CAMTA1: variants seen among roughly 807,000 people sequenced by gnomAD.
The protein encoded by CAMTA1 is calmodulin binding transcription activator 1.
In CAMTA1, 27 loss-of-function variants were observed where a neutral mutation model predicts 170.9. The observed-to-expected ratio is 0.16, with a 90% CI of 0.12 to 0.22. The LOEUF (loss-of-function observed/expected upper bound fraction) is 0.22. Among genes scored for constraint, CAMTA1 ranks in the 10% least tolerant of loss-of-function variants. The probability of loss-of-function intolerance (pLI) is 1.00; values close to 1 mark genes in which losing one functional copy is unlikely to be tolerated. For synonymous variants in CAMTA1, 833 were observed against 891.5 expected, an observed-to-expected ratio of 0.93 and a Z score of 1.17; for missense variants, 1,619 against 2,217.2, an observed-to-expected ratio of 0.73 and a Z score of 5.42.
chr1:7,728,348 C>T (rs1273791675), intron 11 of CAMTA1, among the ~76,000 whole-genome samples: 1 of 152,268 alleles, frequency 6.6e-6, no homozygotes, highest in Non-Finnish European at 1.5e-5. Context: ...CAGCACAAAG[C>T]CACCTCCACG....
intron 5 of CAMTA1, among the ~76,000 whole-genome samples, chr1:7,276,304 T>TATATATATATATATATATATA (rs1553299266): frequency 1.3e-4 from 2 of 14,930 alleles, no homozygotes; most frequent in Non-Finnish European, 2.4e-4. Flanking sequence ...TATATATATA[T>TATATATATATATATATATATA]TTTTTTTTTT....
Position 7,102,302 on chromosome 1 carries a change from G to A in CAMTA1, c.302+10931G>A, listed in dbSNP as rs562398793. On this transcript the variant is annotated intron_variant, in intron 4 of 22. Coordinates refer to ENST00000303635, the MANE Select transcript of CAMTA1 (RefSeq NM_015215.4). ...GGAAGAGGGAGCGAGAGTCCAGGACGGGGCAGCCACGTCCGGGAGGGGAGG... is the reference window on the plus strand; with the variant it reads ...GGAAGAGGGAGCGAGAGTCCAGGACAGGGCAGCCACGTCCGGGAGGGGAGG... Among the ~76,000 whole-genome samples the A allele has an allele frequency of 2.3e-3, 350 of 152,264 alleles. 2 individuals are homozygous for A. Among genetic ancestry groups the A allele is most frequent in the African/African-American group, 8.1e-3 (336 of 41,548 alleles).
chr1:7,419,965 A>G (rs1041002349), intron 5 of CAMTA1, among the ~76,000 whole-genome samples: 4 of 151,974 alleles, frequency 2.6e-5, no homozygotes, highest in African/African-American at 7.3e-5. Flanking sequence ...CCTGATCATC[A>G]TAACAGCTGC....
chr1:7,274,358 TAAAG>T (rs1558342247), intron 5 of CAMTA1, among the ~76,000 whole-genome samples: 1 of 152,094 alleles, frequency 6.6e-6, no homozygotes, highest in East Asian at 1.9e-4. Context: ...TTACTCAAGA[TAAAG>T]AGAGATATTT....
intron 4 of CAMTA1, among the ~76,000 whole-genome samples, chr1:7,181,910 A>G (rs1652247664): frequency 6.6e-6 from 1 of 152,126 alleles, no homozygotes; most frequent in Non-Finnish European, 1.5e-5. Flanking sequence ...TAACCCTGCA[A>G]ATTAAGAACT....
intron 3 of CAMTA1, among the ~76,000 whole-genome samples, chr1:7,013,161 A>G (rs1700057575): frequency 6.8e-6 from 1 of 147,412 alleles, no homozygotes; most frequent in Non-Finnish European, 1.5e-5. Context: ...TCGCTGGGGA[A>G]GTTGCAGACC....
intron 3 of CAMTA1, among the ~76,000 whole-genome samples, chr1:7,037,837 C>CAA (rs1156819723): frequency 3.2e-4 from 41 of 127,694 alleles, no homozygotes; most frequent in African/African-American, 1.0e-3. Context: ...GACTCCATAT[C>CAA]AAAAAAAAAA....
At chr1:7,128,588 A>T (rs1221098382) in intron 4 of CAMTA1, among the ~76,000 whole-genome samples, 1 of 152,130 alleles carries the variant, frequency 6.6e-6, no homozygotes, top group Non-Finnish European at 1.5e-5. Context: ...CCTTTTAGCC[A>T]TGGTAAGGAA....
intron 3 of CAMTA1, among the ~76,000 whole-genome samples, chr1:7,085,623 G>T (rs185995752): frequency 1.3e-5 from 2 of 152,390 alleles, no homozygotes; most frequent in East Asian, 3.9e-4. Context: ...GGGGCTGGGC[G>T]ATGAACAGGA....
At chr1:6,898,738 A>G (rs900841494) in intron 3 of CAMTA1, among the ~76,000 whole-genome samples, 69 of 152,298 alleles carry the variant, frequency 4.5e-4, no homozygotes, top group African/African-American at 1.6e-3. Context: ...AGATTTTCCT[A>G]AGTCTCATCT....
Position 7,634,736 on chromosome 1 carries a change from G to A in CAMTA1, c.511-5664G>A, listed in dbSNP as rs1576508265. Among the ~76,000 whole-genome samples the A allele has an allele frequency of 6.6e-6, 1 of 151,808 alleles. No homozygotes were observed. The highest frequency in any genetic ancestry group is 1.9e-4 in the East Asian group (1 of 5,156). The stretch of plus-strand genomic sequence containing the variant: ...CTAAGCAGCAGAAGTGCCCGCTGGA[G>A]GCTTAACTCTGCTCACCCTCTCAGG... On this transcript the variant is annotated intron_variant, in intron 6 of 22. Coordinates refer to ENST00000303635, the MANE Select transcript of CAMTA1 (RefSeq NM_015215.4). This position sits in a 1 kb window ranked among gnomAD's most constrained non-coding sequence, Gnocchi z 6.2.
At chr1:7,208,330 G>A (rs1469744593) in intron 4 of CAMTA1, among the ~76,000 whole-genome samples, 3 of 152,198 alleles carry the variant, frequency 2.0e-5, no homozygotes, top group East Asian at 3.8e-4. Context: ...ATACTTCATT[G>A]AAAATTCTGC....
intron 6 of CAMTA1, among the ~76,000 whole-genome samples, chr1:7,601,639 AGCCTGG>A (rs1459187305): frequency 8.5e-5 from 13 of 152,242 alleles, no homozygotes; most frequent in African/African-American, 3.1e-4. Flanking sequence ...ACTGCACTCC[AGCCTGG>A]GCACCATTGA....
intron 6 of CAMTA1, among the ~76,000 whole-genome samples, chr1:7,572,921 C>T (rs991846268): frequency 2.0e-5 from 3 of 152,238 alleles, no homozygotes; most frequent in Non-Finnish European, 4.4e-5. Context: ...ACAGCCACCC[C>T]CTTGCCCATC....
chr1:6,909,037 A>G (rs923299137), intron 3 of CAMTA1, among the ~76,000 whole-genome samples: 1 of 152,252 alleles, frequency 6.6e-6, no homozygotes, highest in Non-Finnish European at 1.5e-5. Context: ...ATCATTTTAT[A>G]TCATAATCCT....
intron 4 of CAMTA1, among the ~76,000 whole-genome samples, chr1:7,128,953 G>C (rs887915073): frequency 1.4e-4 from 20 of 144,792 alleles, no homozygotes; most frequent in African/African-American, 4.9e-4. Context: ...TGATTCTCCT[G>C]TTCAGCCTCC....
intron 4 of CAMTA1, among the ~76,000 whole-genome samples, chr1:7,203,848 T>C (rs1215170394): frequency 2.0e-5 from 3 of 151,350 alleles, no homozygotes; most frequent in East Asian, 1.9e-4. Flanking sequence ...TTTTTTTTTT[T>C]CGAGACGGAG....
intron 5 of CAMTA1, among the ~76,000 whole-genome samples, chr1:7,439,113 C>T (rs2092439964): frequency 6.6e-6 from 1 of 152,152 alleles, no homozygotes; most frequent in Non-Finnish European, 1.5e-5. Context: ...CTGCGTCCTC[C>T]CAGGGCCGAG....
intron 1 of CAMTA1, among the ~76,000 whole-genome samples, chr1:6,815,286 C>G (rs1449750475): frequency 1.3e-5 from 2 of 151,772 alleles, no homozygotes; most frequent in African/African-American, 4.8e-5. Flanking sequence ...CTCACTGCAA[C>G]CTCGATCTCC....
Sources: gnomAD v4.1 joint callset for allele counts (sites outside exome capture counted in the v4.1 genomes callset) on GRCh38, gnomAD v4.1.1 for gene constraint, Gnocchi (gnomAD v3.1) non-coding constraint, MANE v1.5 for transcripts, NCBI Gene and HGNC (gene_info 2026-07-23, HGNC 2026-07-21) for gene names.